The following TET1 variants were observed in gnomAD, a reference collection of about 807,000 sequenced individuals.
The protein encoded by TET1 is tet methylcytosine dioxygenase 1.
TET1 carries 13 observed loss-of-function variants against 148.7 expected under a neutral mutation model. The observed-to-expected ratio is 0.09, with a 90% CI of 0.06 to 0.14. The LOEUF (loss-of-function observed/expected upper bound fraction) is 0.14. Ranked by LOEUF, TET1 falls within the 10% of genes least tolerant of loss-of-function variation. The probability of loss-of-function intolerance (pLI) is 1.00; values close to 1 mark genes in which losing one functional copy is unlikely to be tolerated. For synonymous variants in TET1, 907 were observed against 937.2 expected, an observed-to-expected ratio of 0.97 and a Z score of 0.59; for missense variants, 2,182 against 2,553.8, an observed-to-expected ratio of 0.85 and a Z score of 3.14.
Position 68,574,247 on chromosome 10 carries a change from C to T in TET1, c.1909C>T (p.Leu637=), listed in dbSNP as rs776143300. Residue 637 remains leucine, a synonymous_variant, in exon 2 of 12, where the codon CTG becomes TTG. Coordinates refer to ENST00000373644, the MANE Select transcript of TET1 (RefSeq NM_030625.3). ...LKKKPSVVVP[L]EVIKENKRPQ... is the part of the protein sequence containing the mutation. ...AAAGAAACCATCTGTTGTTGTGCCT[C>T]TGGAGGTAAGCAAACAGTCAAGGGG... 6.2e-7 allele frequency: 1 copy of T among 1,610,018 alleles called. No homozygotes were observed. The highest frequency in any genetic ancestry group is 1.1e-5 in the South Asian group (1 of 90,800).
intron 3 of TET1, among the ~76,000 whole-genome samples, chr10:68,602,384 T>C (rs1342275139): frequency 1.3e-5 from 2 of 152,224 alleles, no homozygotes; most frequent in African/African-American, 4.8e-5. Flanking sequence ...GCTATATCCA[T>C]CTCAGGCATT....
chr10:68,580,282 A>G (rs1258489712), intron 2 of TET1, among the ~76,000 whole-genome samples: 2 of 135,930 alleles, frequency 1.5e-5, no homozygotes, highest in Non-Finnish European at 3.2e-5. Context: ...CTTATTTTTC[A>G]GTATGAACCA....
At chr10:68,644,342 G>A (rs571188190) in intron 3 of TET1, among the ~76,000 whole-genome samples, 8 of 152,174 alleles carry the variant, frequency 5.3e-5, no homozygotes, top group Middle Eastern at 3.4e-3. Flanking sequence ...AGCTGGGGCC[G>A]CAGGTGTGCA....
chr10:68,632,683 C>T, intron 3 of TET1: 2 of 1,607,384 alleles, frequency 1.2e-6, no homozygotes, highest in Non-Finnish European at 1.7e-6. Flanking sequence ...TGAAGGTACC[C>T]ACCTCGATCC....
At chr10:68,628,208 A>G (rs2054516873) in intron 3 of TET1, among the ~76,000 whole-genome samples, 1 of 152,152 alleles carries the variant, frequency 6.6e-6, no homozygotes, top group South Asian at 2.1e-4. Flanking sequence ...TGGCCTCCCA[A>G]AGTGTTGGGG....
intron 11 of TET1, among the ~76,000 whole-genome samples, chr10:68,688,379 C>T (rs1337473742): frequency 1.3e-5 from 2 of 151,146 alleles, no homozygotes; most frequent in Non-Finnish European, 2.9e-5. Context: ...AGCCACCACG[C>T]CCGGCTGGCT....
rs763123299 is a variant in TET1, at chr10:68,572,346, G to A, written c.8G>A (p.Arg3Gln). 13 of 1,597,954 alleles carry A rather than the reference G, an allele frequency of 8.1e-6. No individual in the cohort carries two copies. The highest frequency in any genetic ancestry group is 8.0e-5 in the South Asian group (7 of 87,560). ...TTTTCCTACTCTGTAGCTATGTCTC[G>A]ATCCCGCCATGCAAGGCCTTCCAGA... Reference protein sequence around the residue: MSRSRHARPSRLV... With the variant: MSQSRHARPSRLV... The change falls in exon 2 of 12, where the codon CGA (arginine) becomes CAA (glutamine). Residue 3 changes from arginine to glutamine, a missense_variant. Physicochemically the swap from Arg to Gln is conservative, Grantham distance 43 (BLOSUM62 1). Around this residue, in one of 11 missense-constraint regions of TET1, gnomAD observed 665 missense variants for 672.4 expected, o/e 0.99. Transcript: ENST00000373644.
intron 3 of TET1, among the ~76,000 whole-genome samples, chr10:68,627,245 T>C (rs753468075): frequency 3.3e-5 from 5 of 151,722 alleles, no homozygotes; most frequent in African/African-American, 7.3e-5. Flanking sequence ...CCGTCTCTAC[T>C]AATAAAATAC....
At chr10:68,635,262 TC>T (rs1224370467) in intron 3 of TET1, among the ~76,000 whole-genome samples, 1 of 151,996 alleles carries the variant, frequency 6.6e-6, no homozygotes, top group Non-Finnish European at 1.5e-5. Context: ...TAGGCATTTT[TC>T]CTTTAAATAA....
intron 10 of TET1, 66 bp downstream of exon 10, chr10:68,683,039 C>G: frequency 6.5e-7 from 1 of 1,534,732 alleles, no homozygotes; most frequent in Non-Finnish European, 8.8e-7. Flanking sequence ...GCAGTCCTTA[C>G]GTATACTGTG....
Position 68,651,952 on chromosome 10 carries a change from TC to T in TET1, c.4367+19del. On this transcript the variant is annotated intron_variant, in intron 5 of 11. Transcript: ENST00000373644. ...TGGAGAATAGGTGAGGAAATACGCT[TC>T]CCTGTTAAAATCATTCTTACTGTGG... 6.2e-7 allele frequency: 1 copy of T among 1,602,038 alleles called. No individual in the cohort carries two copies. The highest frequency in any genetic ancestry group is 8.5e-7 in the Non-Finnish European group (1 of 1,171,470).
rs372233894 is a variant in TET1, at chr10:68,671,501, A to G, written c.4674-1394A>G. ...TCTTTGGTATTGTGAATAGCACTGC[A>G]GTGAACATTCACATGCATGTGTCTT... On this transcript the variant is annotated intron_variant, in intron 7 of 11. Transcript: ENST00000373644. Among the ~76,000 whole-genome samples, 49 of 152,374 alleles carry G rather than the reference A, an allele frequency of 3.2e-4. 2 individuals are homozygous for G. The South Asian group carries it at 9.7e-3, about 30-fold the overall frequency.
chr10:68,563,747 T>C (rs1209745318), intron 1 of TET1, among the ~76,000 whole-genome samples: 1 of 152,230 alleles, frequency 6.6e-6, no homozygotes, highest in East Asian at 1.9e-4. Flanking sequence ...AGTGGCATGA[T>C]CTTGGCTTAC....
At chr10:68,690,467 G>T (rs544240550) in intron 11 of TET1, among the ~76,000 whole-genome samples, 2 of 152,184 alleles carry the variant, frequency 1.3e-5, no homozygotes, top group South Asian at 4.1e-4. Flanking sequence ...AATTAGCCAG[G>T]CGTGGTGGCA....
At position 68,595,980 on chromosome 10, in the gene TET1, A is replaced by ATT. The variant is rs1361964859; in HGVS notation, c.1915-5000_1915-4999insTT. 2.1e-4 allele frequency among the ~76,000 whole-genome samples: 10 copies of ATT among 48,394 alleles called. No individual in the cohort carries two copies. The East Asian group carries it at 2.1e-3, about 10-fold the overall frequency. The allele number at this position is 48,394 out of a possible 152,430, so 31.7% of individuals were successfully genotyped here. Reference sequence around the variant, plus strand: ...TATATATACACACACACACACACATATATACACACACACACACACACACAC... The same window carrying ATT: ...TATATATACACACACACACACACATATTTATACACACACACACACACACACAC... On this transcript the variant is annotated intron_variant, in intron 2 of 11. Transcript: ENST00000373644.
intron 8 of TET1, among the ~76,000 whole-genome samples, chr10:68,676,307 G>A (rs1343281042): frequency 3.8e-5 from 4 of 106,380 alleles, no homozygotes; most frequent in Admixed American, 1.3e-4. Context: ...CTTCTGAGAC[G>A]GAGTCTTGCT....
intron 2 of TET1, among the ~76,000 whole-genome samples, chr10:68,591,302 C>G (rs2053916182): frequency 6.6e-6 from 1 of 152,176 alleles, no homozygotes; most frequent in Admixed American, 6.5e-5. Flanking sequence ...TTTGGTTCCT[C>G]TCTTTTTTCT....
At position 68,570,786 on chromosome 10, in the gene TET1, C is replaced by T. The variant is rs12261446; in HGVS notation, c.-122-1431C>T. ...CTGGGACTACGGGCACCCGCCGCCA[C>T]GCCCAGCTCATTTTTTTTTTGTATT... On this transcript the variant is annotated intron_variant, in intron 1 of 11. Coordinates refer to ENST00000373644, the MANE Select transcript of TET1 (RefSeq NM_030625.3). Among the ~76,000 whole-genome samples the T allele has an allele frequency of 3.8e-3, 573 of 151,492 alleles. 8 individuals carry two copies. The highest frequency in any genetic ancestry group is 0.013 in the African/African-American group (542 of 41,208).
At position 68,589,892 on chromosome 10, in the gene TET1, G is replaced by A. The variant is rs140663954; in HGVS notation, c.1915-11089G>A. Among the ~76,000 whole-genome samples, 966 of 151,736 alleles carry A rather than the reference G, an allele frequency of 6.4e-3. 18 individuals are homozygous for A. The highest frequency in any genetic ancestry group is 0.022 in the African/African-American group (921 of 41,384). On this transcript the variant is annotated intron_variant, in intron 2 of 11. Coordinates refer to ENST00000373644, the MANE Select transcript of TET1 (RefSeq NM_030625.3). ...TCACTGTGTTGGCCAGGCTGGTCTC[G>A]TACTCCTGGCCTCAAGCCTTCTGCC...
Sources: gnomAD v4.1 joint callset for allele counts (sites outside exome capture counted in the v4.1 genomes callset) on GRCh38, gnomAD v4.1.1 for gene constraint, gnomAD v4.1.1 regional missense constraint, MANE v1.5 for transcripts, NCBI Gene and HGNC (gene_info 2026-07-23, HGNC 2026-07-21) for gene names.